Variants in CCDC149 observed in about 807,000 individuals in gnomAD.
The protein encoded by CCDC149 is coiled-coil domain-containing protein 149.
CCDC149 carries 45 observed loss-of-function variants against 59.9 expected under a neutral mutation model. That is an observed-to-expected ratio of 0.75 (90% CI 0.59 to 0.96). CCDC149 has a LOEUF of 0.96. Among genes scored for constraint, CCDC149 ranks in the 40% least tolerant of loss-of-function variants. The pLI is 0.00. For missense variants in CCDC149, 584 were observed against 664.7 expected, an observed-to-expected ratio of 0.88 and a Z score of 1.33; for synonymous variants, 245 against 260.6, an observed-to-expected ratio of 0.94 and a Z score of 0.58.
At chr4:24,885,164 C>T (rs1033128040) in intron 1 of CCDC149, among the ~76,000 whole-genome samples, 7 of 152,214 alleles carry the variant, frequency 4.6e-5, no homozygotes, top group South Asian at 2.1e-4. Flanking sequence ...AGAAAGGGCC[C>T]GGATGTGGTG....
chr4:24,941,160 A>T (rs536604784), intron 1 of CCDC149, among the ~76,000 whole-genome samples: 68 of 152,350 alleles, frequency 4.5e-4, no homozygotes, highest in African/African-American at 1.6e-3. Context: ...AACACTCCTC[A>T]GCAAATGTAA....
intron 4 of CCDC149, among the ~76,000 whole-genome samples, chr4:24,841,173 T>C (rs1456447475): frequency 6.6e-6 from 1 of 152,168 alleles, no homozygotes. Flanking sequence ...CTCCTGCCTT[T>C]CAGTATGAGG....
rs1715261378 is a variant in CCDC149 at position 24,819,889 on chromosome 4, G to C, written c.1162C>G (p.Pro388Ala). The C allele has an allele frequency of 1.3e-6, 2 of 1,551,554 alleles. No homozygotes were observed. The highest frequency in any genetic ancestry group is 3.9e-5 in the Admixed American group (2 of 50,988). The change falls in exon 12 of 13, where the codon CCC (proline) becomes GCC (alanine). Residue 388 changes from proline to alanine, a missense_variant. Physicochemically the swap from Pro to Ala is conservative, Grantham distance 27. Transcript: ENST00000635206. ...TTGGGATCTGCTTTGTTCTCAGTGG[G>C]CTGCTCGACAAACTTCAGCAGTGGG...
At chr4:24,874,244 G>T (rs1300946800) in intron 2 of CCDC149, among the ~76,000 whole-genome samples, 54 of 87,438 alleles carry the variant, frequency 6.2e-4, no homozygotes, top group African/African-American at 2.4e-3. Context: ...TATTAGATTT[G>T]TTTTTTTTTT....
chr4:24,885,599 CCAAA>C (rs1370918983), intron 1 of CCDC149, among the ~76,000 whole-genome samples: 10 of 152,142 alleles, frequency 6.6e-5, no homozygotes, highest in Admixed American at 3.9e-4. Context: ...ACATGGCTGC[CCAAA>C]CACACTCCAA....
intron 2 of CCDC149, among the ~76,000 whole-genome samples, chr4:24,875,280 A>G (rs1719340834): frequency 6.6e-6 from 1 of 151,872 alleles, no homozygotes; most frequent in African/African-American, 2.4e-5. Flanking sequence ...CAGTGAGCCA[A>G]GATCCCGCCA....
intron 1 of CCDC149, among the ~76,000 whole-genome samples, chr4:24,897,517 G>A (rs756230286): frequency 1.3e-5 from 2 of 152,152 alleles, no homozygotes; most frequent in Non-Finnish European, 2.9e-5. Context: ...GGTACAAGGA[G>A]ACACAGGAGG....
chr4:24,861,153 A>G (rs1000623407), intron 3 of CCDC149, among the ~76,000 whole-genome samples: 1 of 152,194 alleles, frequency 6.6e-6, no homozygotes, highest in Admixed American at 6.5e-5. Context: ...TGAAAAACAC[A>G]CTTGCACATG....
At chr4:24,840,965 A>G (rs1353623536) in intron 4 of CCDC149, among the ~76,000 whole-genome samples, 3 of 152,236 alleles carry the variant, frequency 2.0e-5, no homozygotes, top group African/African-American at 7.2e-5. Flanking sequence ...TCACTAATCC[A>G]GTAGTTGGCA....
At chr4:24,935,006 G>A (rs1188850939) in intron 1 of CCDC149, among the ~76,000 whole-genome samples, 2 of 152,194 alleles carry the variant, frequency 1.3e-5, no homozygotes, top group Non-Finnish European at 2.9e-5. Flanking sequence ...ATATCCGAAG[G>A]ATCCCACTGG....
chr4:24,952,042 G>A (rs1723306163), intron 1 of CCDC149, among the ~76,000 whole-genome samples: 2 of 152,054 alleles, frequency 1.3e-5, no homozygotes, highest in Admixed American at 6.6e-5. Flanking sequence ...CAGTTAAACT[G>A]TTCCCTTCTC....
chr4:24,905,780 C>T (rs1721471134), intron 1 of CCDC149, among the ~76,000 whole-genome samples: 1 of 152,206 alleles, frequency 6.6e-6, no homozygotes, highest in African/African-American at 2.4e-5. Context: ...AACATGGGCA[C>T]ATTCTGCTAC....
In CCDC149 at chr4:24,808,457, C is replaced by G; in HGVS notation, c.1555G>C (p.Ala519Pro). 1 of 1,467,208 alleles carries G rather than the reference C, an allele frequency of 6.8e-7. No homozygotes were observed. Among genetic ancestry groups the G allele is most frequent in the African/African-American group, 1.4e-5 (1 of 70,164 alleles). 90.9% of individuals were successfully genotyped at this position (1,467,208 alleles called of 1,614,324 possible). A position where few individuals can be genotyped will look rare whatever the true frequency, so the allele number is the denominator to read the frequency against. The stretch of plus-strand genomic sequence containing the variant: ...CCTTTGCCGTCTTCCGGTGTGGAAG[C>G]TTTGGCTGCTGGCCGGCTGGCCTCG... The change falls in exon 13 of 13, where the codon GCT becomes CCT. Residue 519 changes from alanine to proline, a missense_variant. Ala to Pro is a conservative substitution (Grantham distance 27). Transcript: ENST00000635206.
intron 1 of CCDC149, among the ~76,000 whole-genome samples, chr4:24,930,732 G>T (rs1722563131): frequency 6.6e-6 from 1 of 152,162 alleles, no homozygotes; most frequent in Admixed American, 6.6e-5. Flanking sequence ...TATTATTCCA[G>T]TTTCAACAGC....
In CCDC149 at chr4:24,912,832, C is replaced by T; in HGVS notation, c.48G>A (p.Gln16=). Reference sequence around the variant, plus strand: ...GCGGCCTCACCTCGCTCACCAGCCCCTGCCAGTCGCTCTCAGTCCGGTCGC... The same window carrying T: ...GCGGCCTCACCTCGCTCACCAGCCCTTGCCAGTCGCTCTCAGTCCGGTCGC... The change falls in exon 1 of 13, where the codon CAG becomes CAA. Residue 16 remains glutamine, a synonymous_variant. Transcript: ENST00000635206. The T allele has an allele frequency of 7.3e-7, 1 of 1,373,480 alleles. No individual in the cohort carries two copies. Among genetic ancestry groups the T allele is most frequent in the Non-Finnish European group, 9.5e-7 (1 of 1,048,878 alleles). 85.1% of individuals were successfully genotyped at this position (1,373,480 alleles called of 1,614,324 possible).
At chr4:24,826,438 C>T (rs770896322) in intron 9 of CCDC149, among the ~76,000 whole-genome samples, 1 of 152,080 alleles carries the variant, frequency 6.6e-6, no homozygotes, top group Non-Finnish European at 1.5e-5. Flanking sequence ...AGGGGTGCTA[C>T]AGGAATGGGG....
chr4:24,840,601 C>T (rs1173005276), intron 4 of CCDC149, among the ~76,000 whole-genome samples: 1 of 152,052 alleles, frequency 6.6e-6, no homozygotes, highest in Non-Finnish European at 1.5e-5. Flanking sequence ...TAGTGAGCGT[C>T]CCACATTTGT....
intron 1 of CCDC149, among the ~76,000 whole-genome samples, chr4:24,952,311 G>T (rs1345407383): frequency 6.6e-6 from 1 of 151,808 alleles, no homozygotes; most frequent in Non-Finnish European, 1.5e-5. Flanking sequence ...ATATTTTTTG[G>T]CTGGGTAAGG....
chr4:24,916,187 C>G (rs1306773089), upstream of CCDC149, among the ~76,000 whole-genome samples: 3 of 152,084 alleles, frequency 2.0e-5, no homozygotes, highest in Non-Finnish European at 2.9e-5. Flanking sequence ...CTCTAGGGAC[C>G]TAATTTTTCC....
Sources: gnomAD v4.1 joint callset for allele counts (sites outside exome capture counted in the v4.1 genomes callset) on GRCh38, gnomAD v4.1.1 for gene constraint, MANE v1.5 for transcripts, NCBI Gene and HGNC (gene_info 2026-07-23, HGNC 2026-07-21) for gene names.